Variants in MYO16 observed in about 807,000 individuals in gnomAD.
MYO16 encodes unconventional myosin-XVI.
MYO16 carries 94 observed loss-of-function variants against 205.3 expected under a neutral mutation model. The observed-to-expected ratio is 0.46, with a 90% CI of 0.39 to 0.54. The LOEUF is 0.54. Among genes scored for constraint, MYO16 ranks in the 20% least tolerant of loss-of-function variants. The pLI is 0.00. For synonymous variants in MYO16, 988 were observed against 954.0 expected (o/e 1.04, Z -0.66); for missense variants, 2,315 against 2,387.5 (o/e 0.97, Z 0.63).
At chr13:108,879,414 C>T (rs1306740806) in intron 12 of MYO16, among the ~76,000 whole-genome samples, 2 of 151,970 alleles carry the variant, frequency 1.3e-5, no homozygotes, top group East Asian at 3.9e-4. Context: ...GCACAATGTG[C>T]AGGTTTATTA....
intron 22 of MYO16, among the ~76,000 whole-genome samples, chr13:109,018,270 CCT>C (rs1387583721): frequency 1.3e-5 from 2 of 152,174 alleles, no homozygotes; most frequent in East Asian, 3.8e-4. Context: ...CACTCCAGAC[CCT>C]GTTTGCCTGG....
At chr13:108,658,691 T>C (rs775794390) in intron 1 of MYO16, among the ~76,000 whole-genome samples, 32 of 152,146 alleles carry the variant, frequency 2.1e-4, no homozygotes, top group Non-Finnish European at 4.0e-4. Flanking sequence ...TCTGAACATA[T>C]GGGGAGGTAT....
chr13:108,727,558 C>A lies in MYO16; in HGVS notation c.482C>A (p.Pro161His). 6.2e-7 allele frequency: 1 copy of A among 1,613,206 alleles called. No individual in the cohort carries two copies. The highest frequency in any genetic ancestry group is 8.5e-7 in the Non-Finnish European group (1 of 1,179,742). The change falls in exon 4 of 35, where the codon CCT (proline) becomes CAT (histidine). Residue 161 changes from proline (P) to histidine (H), a missense_variant. Around this residue, in one of 3 missense-constraint regions of MYO16, gnomAD observed 1,213 missense variants for 1,274.4 expected, o/e 0.95. Transcript: ENST00000457511. The stretch of plus-strand genomic sequence containing the variant: ...CACATTGCCTGTGCCTGCGATAACC[C>A]TGATATTGTCCTGCTTCTTGTATTA... Reference protein sequence around the residue: ...PMHIACACDNPDIVLLLVLAG... With the variant: ...PMHIACACDNHDIVLLLVLAG...
the MYO16 span, among the ~76,000 whole-genome samples, chr13:108,557,788 C>A: frequency 6.6e-6 from 1 of 151,996 alleles, no homozygotes; most frequent in Admixed American, 6.5e-5. Context: ...CTCATTTTAG[C>A]ACTAGATCTT....
intron 29 of MYO16, among the ~76,000 whole-genome samples, chr13:109,121,807 A>G (rs1250827669): frequency 6.6e-6 from 1 of 152,224 alleles, no homozygotes; most frequent in Non-Finnish European, 1.5e-5. Flanking sequence ...AGGCAAGGGG[A>G]AGCCTTGGAC....
Position 109,162,734 on chromosome 13 carries a change from A to T in MYO16, c.5165-2167A>T, listed in dbSNP as rs1252631129. ...GCACATAGTAGGCACCCAATAAATA[A>T]CTGAATTAAAGAGTGCAAAAATAAA... On this transcript the variant is annotated intron_variant, in intron 32 of 34. Coordinates refer to ENST00000457511, the MANE Select transcript of MYO16 (RefSeq NM_001198950.3). This position sits in a 1 kb window ranked among gnomAD's most constrained non-coding sequence, Gnocchi z 4.6. Among the ~76,000 whole-genome samples, 3 of 152,172 alleles carry T rather than the reference A, an allele frequency of 2.0e-5. No individual in the cohort carries two copies. The highest frequency in any genetic ancestry group is 7.2e-5 in the African/African-American group (3 of 41,424).
At chr13:108,664,756 G>T (rs1410994942) in intron 1 of MYO16, among the ~76,000 whole-genome samples, 1 of 152,118 alleles carries the variant, frequency 6.6e-6, no homozygotes, top group East Asian at 1.9e-4. Context: ...TTGATTTTCT[G>T]CCAATAGTAA....
At chr13:108,977,454 G>A (rs749013081) in intron 20 of MYO16, among the ~76,000 whole-genome samples, 7 of 152,140 alleles carry the variant, frequency 4.6e-5, no homozygotes, top group Non-Finnish European at 1.0e-4. Context: ...GACGTCTTCT[G>A]GCAAGACAAG....
chr13:108,650,934 A>T (rs1370952139), intron 1 of MYO16, among the ~76,000 whole-genome samples: 1 of 152,180 alleles, frequency 6.6e-6, no homozygotes, highest in Non-Finnish European at 1.5e-5. Flanking sequence ...CTGATAAGTC[A>T]GTAGCTACGA....
intron 13 of MYO16, 143 bp downstream of exon 13, chr13:108,883,329 A>G (rs976921580): frequency 1.9e-6 from 2 of 1,063,250 alleles, no homozygotes; most frequent in Non-Finnish European, 2.6e-6. Flanking sequence ...AGTACATTTG[A>G]CTCGTTACAA....
chr13:109,018,265 C>T (rs549811202), intron 22 of MYO16, among the ~76,000 whole-genome samples: 62 of 152,314 alleles, frequency 4.1e-4, no homozygotes, highest in African/African-American at 1.4e-3. Context: ...AGGTCCACTC[C>T]AGACCCTGTT....
chr13:108,986,882 A>G (rs935624478), intron 20 of MYO16, among the ~76,000 whole-genome samples: 1 of 152,178 alleles, frequency 6.6e-6, no homozygotes, highest in Non-Finnish European at 1.5e-5. Context: ...TTACAGACAC[A>G]GGCCCTACAG....
At chr13:108,987,230 G>T (rs1884673217) in intron 20 of MYO16, among the ~76,000 whole-genome samples, 1 of 152,168 alleles carries the variant, frequency 6.6e-6, no homozygotes, top group African/African-American at 2.4e-5. Context: ...CGGCCTCTCT[G>T]GTTACTCCCA....
chr13:109,123,493 GTCT>G (rs932757545), intron 29 of MYO16, among the ~76,000 whole-genome samples: 6 of 151,954 alleles, frequency 3.9e-5, no homozygotes, highest in East Asian at 1.9e-4. Context: ...CCAATTTCAA[GTCT>G]TCTGCCTTTT....
intron 27 of MYO16, among the ~76,000 whole-genome samples, chr13:109,085,407 C>T (rs1451542250): frequency 6.6e-6 from 1 of 152,092 alleles, no homozygotes; most frequent in Non-Finnish European, 1.5e-5. Flanking sequence ...GTTGATGAAC[C>T]AGTCTTGACA....
At chr13:108,691,778 C>A (rs1292913570) in intron 2 of MYO16, among the ~76,000 whole-genome samples, 1 of 152,202 alleles carries the variant, frequency 6.6e-6, no homozygotes, top group East Asian at 1.9e-4. Context: ...TCAACCAATT[C>A]TTTTGGGTTT....
chr13:108,544,336 A>C, the MYO16 span, among the ~76,000 whole-genome samples: 9 of 152,136 alleles, frequency 5.9e-5, no homozygotes, highest in African/African-American at 1.7e-4. Context: ...GAAAGAATTC[A>C]CTGAGCCATA....
chr13:108,978,070 G>A (rs183809192), intron 20 of MYO16, among the ~76,000 whole-genome samples: 2 of 147,818 alleles, frequency 1.4e-5, no homozygotes, highest in East Asian at 4.0e-4. Context: ...TCTTTTTTTT[G>A]TGTGGCTATA....
At chr13:108,570,572 A>G in the MYO16 span, among the ~76,000 whole-genome samples, 11 of 152,220 alleles carry the variant, frequency 7.2e-5, no homozygotes, top group Non-Finnish European at 1.3e-4. Context: ...GTTTGTGATA[A>G]CACACCAATG....
Sources: allele counts gnomAD v4.1 joint callset (sites outside exome capture counted in the v4.1 genomes callset), GRCh38; gene constraint gnomAD v4.1.1; regional missense constraint gnomAD v4.1.1; non-coding constraint Gnocchi (gnomAD v3.1); transcripts MANE v1.5; gene names NCBI Gene and HGNC (gene_info 2026-07-23, HGNC 2026-07-21).